The following CDK12 variants were observed in gnomAD, a reference collection of about 807,000 sequenced individuals.
CDK12 encodes the protein cyclin dependent kinase 12.
Under a neutral mutation model 133.8 loss-of-function variants are expected in CDK12, and 17 were observed. The ratio of observed to expected loss-of-function variants is 0.13; its 90% CI spans 0.09 to 0.19. The LOEUF is 0.19. Among genes scored for constraint, CDK12 ranks in the 10% least tolerant of loss-of-function variants. The pLI, the probability that CDK12 is intolerant of heterozygous loss-of-function variation, is 1.00. For missense variants in CDK12, 1,508 were observed against 1,818.7 expected (o/e 0.83, Z 3.11); for synonymous variants, 694 against 683.6 (o/e 1.02, Z -0.24).
rs1177367409 is a variant in CDK12 at position 39,506,212 on chromosome 17, A to ATTT, written c.2610-3473_2610-3471dup. On this transcript the variant is annotated intron_variant, in intron 6 of 13. Transcript: ENST00000447079. ...TGACACCATACAATATGATTATATG[A>ATTT]TTTTTTTTTTTTTTTTTTTTTTGAG... is the stretch of plus-strand genomic sequence containing the variant. Among the ~76,000 whole-genome samples the ATTT allele has an allele frequency of 1.2e-3, 145 of 119,750 alleles. 3 individuals are homozygous for ATTT. Among genetic ancestry groups the ATTT allele is most frequent in the African/African-American group, 3.4e-3 (94 of 27,868 alleles). The allele number at this position is 119,750 out of a possible 152,430, so 78.6% of individuals were successfully genotyped here.
In CDK12 at chr17:39,462,774, G is replaced by A; in HGVS notation, c.703G>A (p.Asp235Asn). ...RKWSDSSKQD[D>N]SPSGASYGQD... ...GTGGTCTGACAGCTCCAAACAAGAT[G>A]ATAGCCCCTCGGGAGCTTCTTATGG... The change falls in exon 1 of 14, where the codon GAT becomes AAT. Residue 235 changes from aspartate to asparagine, a missense_variant. Asp to Asn is a conservative substitution (Grantham distance 23). Around this residue, in one of 9 missense-constraint regions of CDK12, gnomAD observed 460 missense variants for 490.8 expected, o/e 0.94. Transcript: ENST00000447079. 1 of 1,614,206 alleles carries A rather than the reference G, an allele frequency of 6.2e-7. No individual in the cohort carries two copies. The highest frequency in any genetic ancestry group is 1.1e-5 in the South Asian group (1 of 91,088).
At chr17:39,562,501 T>A (rs1431290427) in intron 3 of CDK12, among the ~76,000 whole-genome samples, 4 of 152,076 alleles carry the variant, frequency 2.6e-5, no homozygotes, top group Non-Finnish European at 5.9e-5. Flanking sequence ...CTTGGCTGCT[T>A]CTCTATTCAG....
chr17:39,510,793 A>G (rs1230169772), intron 7 of CDK12, among the ~76,000 whole-genome samples: 1 of 151,060 alleles, frequency 6.6e-6, no homozygotes. Flanking sequence ...TTGTATTTTT[A>G]GTGGAGATGG....
At chr17:39,520,937 TC>T (rs2054126805) in intron 11 of CDK12, among the ~76,000 whole-genome samples, 1 of 152,122 alleles carries the variant, frequency 6.6e-6, no homozygotes, top group Non-Finnish European at 1.5e-5. Flanking sequence ...AACCTCTGCT[TC>T]CCAGGTTCAA....
intron 1 of CDK12, among the ~76,000 whole-genome samples, chr17:39,465,123 G>C (rs2049205168): frequency 6.6e-6 from 1 of 151,930 alleles, no homozygotes; most frequent in African/African-American, 2.4e-5. Context: ...GCGTGCGCCT[G>C]TAGTCCCAGC....
chr17:39,503,213 C>T lies in CDK12; in HGVS notation c.2609+1774C>T, dbSNP rs138186961. On this transcript the variant is annotated intron_variant, in intron 6 of 13. Transcript: ENST00000447079. ...TCAGCCTCCCAAGTAGCTGGGATTA[C>T]AGGTGCCCACCACCACGCCCAGCTA... 9.2e-3 allele frequency among the ~76,000 whole-genome samples: 1,394 copies of T among 152,294 alleles called. 6 individuals carry two copies. The highest frequency in any genetic ancestry group is 0.014 in the Middle Eastern group (4 of 294).
At chr17:39,486,744 C>T (rs533526028) in intron 2 of CDK12, among the ~76,000 whole-genome samples, 1 of 152,162 alleles carries the variant, frequency 6.6e-6, no homozygotes, top group Non-Finnish European at 1.5e-5. Flanking sequence ...TGCGGTGGCT[C>T]ATGTCTGTAA....
intron 11 of CDK12, among the ~76,000 whole-genome samples, chr17:39,522,714 G>A (rs775759927): frequency 6.6e-5 from 10 of 152,050 alleles, no homozygotes; most frequent in Non-Finnish European, 8.8e-5. Context: ...GATTATAGGC[G>A]TGAGCTACCG....
intron 1 of CDK12, among the ~76,000 whole-genome samples, chr17:39,469,777 A>G (rs915513155): frequency 6.6e-6 from 1 of 151,340 alleles, no homozygotes; most frequent in African/African-American, 2.4e-5. Flanking sequence ...AGCTGGGATT[A>G]CAGGCGCCCA....
In CDK12 at chr17:39,476,722, T is replaced by A. The variant is rs972560125; in HGVS notation, c.1931+4959T>A. Among the ~76,000 whole-genome samples, 129 of 111,484 alleles carry A rather than the reference T, an allele frequency of 1.2e-3. 12 individuals carry two copies. In the East Asian group the frequency reaches 0.03, roughly 26 times the overall value. The allele number at this position is 111,484 out of a possible 152,430, so 73.1% of individuals were successfully genotyped here. A position where few individuals can be genotyped will look rare whatever the true frequency, so the allele number is the denominator to read the frequency against. On this transcript the variant is annotated intron_variant, in intron 2 of 13. Coordinates refer to ENST00000447079, the MANE Select transcript of CDK12 (RefSeq NM_016507.4). ...GCCACCATGCCTGCCTTTTTTTTTTTTTTTTTTTTTTTTTTTTTGAGACAG... is the reference window on the plus strand; with the variant it reads ...GCCACCATGCCTGCCTTTTTTTTTTATTTTTTTTTTTTTTTTTTGAGACAG...
intron 2 of CDK12, among the ~76,000 whole-genome samples, chr17:39,479,282 T>A (rs1469072625): frequency 6.3e-5 from 1 of 15,820 alleles, no homozygotes; most frequent in Non-Finnish European, 1.4e-4. Flanking sequence ...CACTCGAGCC[T>A]GGGCGACAAG....
intron 1 of CDK12, among the ~76,000 whole-genome samples, chr17:39,467,899 TG>T (rs1187611062): frequency 2.0e-5 from 3 of 152,008 alleles, no homozygotes; most frequent in Admixed American, 1.3e-4. Flanking sequence ...TTTTTAGTTT[TG>T]TTTTTTTTTT....
In CDK12 at chr17:39,532,930, A is replaced by G. The variant is rs566452302; in HGVS notation, c.*1614A>G. 3.4e-5 allele frequency: 8 copies of G among 233,096 alleles called. No homozygotes were observed. The highest frequency in any genetic ancestry group is 1.8e-4 in the African/African-American group (8 of 45,452). The allele number at this position is 233,096 out of a possible 1,614,324, so 14.4% of individuals were successfully genotyped here. A position where few individuals can be genotyped will look rare whatever the true frequency, so the allele number is the denominator to read the frequency against. On this transcript the variant is annotated 3_prime_UTR_variant, in exon 14 of 14. Coordinates refer to ENST00000447079, the MANE Select transcript of CDK12 (RefSeq NM_016507.4). ...GCACAGACTTAGACCTTCAGGAAAC[A>G]TAGGTTAAGCCCCCTTTTACAAAGA... is the stretch of plus-strand genomic sequence containing the variant.
chr17:39,542,443 G>A (rs1439779177), intron 1 of CDK12, among the ~76,000 whole-genome samples: 5 of 151,190 alleles, frequency 3.3e-5, no homozygotes, highest in African/African-American at 7.3e-5. Flanking sequence ...TGCCTGCCTC[G>A]GCCTCCCAAA....
downstream of CDK12, chr17:39,566,771 CTCTCT>C (rs1335446990): frequency 2.6e-5 from 4 of 152,318 alleles, no homozygotes; most frequent in African/African-American, 7.2e-5. Flanking sequence ...AGAATTCCAA[CTCTCT>C]TCTCTTCTCA....
downstream of CDK12, among the ~76,000 whole-genome samples, chr17:39,537,809 G>T (rs34079604): frequency 0.052 from 7,890 of 151,924 alleles, 659 homozygotes; most frequent in African/African-American, 0.18. Flanking sequence ...TGATCCACCC[G>T]CCTCGGCCTC....
At position 39,518,425 on chromosome 17, in the gene CDK12, C is replaced by G. The variant is rs149661289; in HGVS notation, c.2963+869C>G. ...CAAGTGCTCTTCCTGCCTCAGCCCC[C>G]CAAATTGCTGGGCTTAAACTTTGAG... On this transcript the variant is annotated intron_variant, in intron 10 of 13. Coordinates refer to ENST00000447079, the MANE Select transcript of CDK12 (RefSeq NM_016507.4). Among the ~76,000 whole-genome samples the G allele has an allele frequency of 8.3e-3, 1,262 of 152,044 alleles. 9 individuals are homozygous for G. The highest frequency in any genetic ancestry group is 0.017 in the South Asian group (83 of 4,800).
At position 39,489,121 on chromosome 17, in the gene CDK12, C is replaced by G. The variant is rs566224581; in HGVS notation, c.1932-1436C>G. 4.7e-5 allele frequency among the ~76,000 whole-genome samples: 7 copies of G among 149,920 alleles called. No individual in the cohort carries two copies. The East Asian group carries it at 1.4e-3, about 29-fold the overall frequency. The stretch of plus-strand genomic sequence containing the variant: ...TTCGAGATGGAGTCTCACTCTGTCT[C>G]TCCGGCTGGAGTGCAGTGGCGCGAT... On this transcript the variant is annotated intron_variant, in intron 2 of 13. Coordinates refer to ENST00000447079, the MANE Select transcript of CDK12 (RefSeq NM_016507.4).
intron 1 of CDK12, among the ~76,000 whole-genome samples, chr17:39,466,910 T>C (rs556817612): frequency 1.3e-5 from 1 of 79,308 alleles, no homozygotes; most frequent in African/African-American, 3.3e-5. Flanking sequence ...ATCCCTTCTA[T>C]GATATTCTCT....
Sources: gnomAD v4.1 joint callset for allele counts (sites outside exome capture counted in the v4.1 genomes callset) on GRCh38, gnomAD v4.1.1 for gene constraint, gnomAD v4.1.1 regional missense constraint, MANE v1.5 for transcripts, NCBI Gene and HGNC (gene_info 2026-07-23, HGNC 2026-07-21) for gene names.